The following KCNB2 variants were observed in gnomAD, a reference collection of about 807,000 sequenced individuals.
KCNB2 encodes delayed rectifier potassium channel protein.
A neutral mutation model predicts 61.5 loss-of-function variants in KCNB2; 15 were observed. The observed-to-expected ratio is 0.24, with a 90% CI of 0.16 to 0.38. KCNB2 has a LOEUF of 0.38. KCNB2 is among the 10% of genes least tolerant of loss of function. KCNB2 has a pLI of 1.00. For missense variants in KCNB2, 828 were observed against 1,125.2 expected (o/e 0.74, Z 3.78); for synonymous variants, 457 against 446.0 (o/e 1.02, Z -0.31).
chr8:72,561,124 A>C (rs957532299), intron 1 of KCNB2, among the ~76,000 whole-genome samples: 2 of 152,044 alleles, frequency 1.3e-5, no homozygotes, highest in Non-Finnish European at 2.9e-5. Flanking sequence ...AGTGTATCTA[A>C]AAAAAGCATC....
chr8:72,649,814 A>G (rs571111591), intron 2 of KCNB2, among the ~76,000 whole-genome samples: 13 of 152,302 alleles, frequency 8.5e-5, no homozygotes, highest in African/African-American at 2.9e-4. Context: ...TAAACATGAC[A>G]TGATCAAGTG....
intron 2 of KCNB2, among the ~76,000 whole-genome samples, chr8:72,844,260 T>C (rs1809946129): frequency 6.6e-6 from 1 of 152,214 alleles, no homozygotes; most frequent in African/African-American, 2.4e-5. Context: ...ATGTTGAATA[T>C]TGGCCCCCAC....
At chr8:72,699,810 C>G (rs980492528) in intron 2 of KCNB2, among the ~76,000 whole-genome samples, 1 of 151,880 alleles carries the variant, frequency 6.6e-6, no homozygotes, top group Non-Finnish European at 1.5e-5. Context: ...ACCTAGAACC[C>G]GAAATACCAT....
intron 2 of KCNB2, among the ~76,000 whole-genome samples, chr8:72,663,016 A>T (rs1806405600): frequency 6.6e-6 from 1 of 152,152 alleles, no homozygotes. Flanking sequence ...GCTCCTCCCT[A>T]CCATGGAGGC....
At chr8:72,595,384 G>GGCGT (rs2128981839) in intron 2 of KCNB2, among the ~76,000 whole-genome samples, 1 of 149,086 alleles carries the variant, frequency 6.7e-6, no homozygotes, top group South Asian at 2.1e-4. Context: ...GAAGTGCAGT[G>GGCGT]GCGTGATCTT....
chr8:72,687,019 C>A (rs1806864415), intron 2 of KCNB2, among the ~76,000 whole-genome samples: 1 of 152,098 alleles, frequency 6.6e-6, no homozygotes, highest in Non-Finnish European at 1.5e-5. Flanking sequence ...GCATCAGTTA[C>A]CTAGGGAGCT....
intron 2 of KCNB2, among the ~76,000 whole-genome samples, chr8:72,796,095 C>T (rs182058504): frequency 1.6e-3 from 248 of 152,308 alleles, no homozygotes; most frequent in African/African-American, 5.8e-3. Flanking sequence ...CCTTTTAAGG[C>T]TCCATCTGGC....
intron 2 of KCNB2, among the ~76,000 whole-genome samples, chr8:72,585,066 G>A (rs950986956): frequency 6.6e-6 from 1 of 152,180 alleles, no homozygotes; most frequent in Admixed American, 6.5e-5. Flanking sequence ...GGGTGGTCAT[G>A]ATTTCTGTCC....
At chr8:72,612,664 A>G (rs920037322) in intron 2 of KCNB2, among the ~76,000 whole-genome samples, 1 of 152,198 alleles carries the variant, frequency 6.6e-6, no homozygotes, top group African/African-American at 2.4e-5. Context: ...GTCAAAGTCT[A>G]GAACAAGATG....
intron 2 of KCNB2, among the ~76,000 whole-genome samples, chr8:72,708,183 A>G (rs557693691): frequency 1.3e-5 from 2 of 152,336 alleles, no homozygotes; most frequent in East Asian, 3.9e-4. Context: ...GTAGCCTTCC[A>G]GGGCCAGAGC....
At chr8:72,628,383 G>T (rs1805824964) in intron 2 of KCNB2, among the ~76,000 whole-genome samples, 1 of 148,322 alleles carries the variant, frequency 6.7e-6, no homozygotes. Flanking sequence ...TTATTATGCA[G>T]ATTTCTCCTG....
intron 2 of KCNB2, chr8:72,750,339 A>G (rs1808167640): frequency 6.6e-6 from 1 of 152,138 alleles, no homozygotes; most frequent in Non-Finnish European, 1.5e-5. Context: ...CAGTGCTTAT[A>G]AATGATTGTT....
intron 2 of KCNB2, among the ~76,000 whole-genome samples, chr8:72,896,395 G>A (rs939997466): frequency 2.0e-5 from 3 of 152,058 alleles, no homozygotes. Context: ...TATGAGCACA[G>A]TATCTTTCAT....
At chr8:72,575,952 C>G (rs1806787854) in intron 2 of KCNB2, among the ~76,000 whole-genome samples, 1 of 152,120 alleles carries the variant, frequency 6.6e-6, no homozygotes, top group Non-Finnish European at 1.5e-5. Context: ...CCTGACATTG[C>G]TAACTGATCC....
At chr8:72,716,230 G>T (rs1388192830) in intron 2 of KCNB2, among the ~76,000 whole-genome samples, 2 of 152,126 alleles carry the variant, frequency 1.3e-5, no homozygotes, top group Non-Finnish European at 2.9e-5. Flanking sequence ...TTCTACCAGA[G>T]GTACAAGGAG....
At chr8:72,628,605 A>G (rs1805831368) in intron 2 of KCNB2, among the ~76,000 whole-genome samples, 1 of 152,198 alleles carries the variant, frequency 6.6e-6, no homozygotes, top group East Asian at 1.9e-4. Flanking sequence ...AATGATGCCC[A>G]CTTCATCCTT....
chr8:72,871,212 A>G (rs1194577326), intron 2 of KCNB2, among the ~76,000 whole-genome samples: 3 of 152,244 alleles, frequency 2.0e-5, no homozygotes, highest in Admixed American at 6.5e-5. Flanking sequence ...AACTGAAAGT[A>G]TCATACAACA....
chr8:72,738,106 G>T (rs892393495), intron 2 of KCNB2, among the ~76,000 whole-genome samples: 4 of 152,072 alleles, frequency 2.6e-5, no homozygotes, highest in African/African-American at 9.7e-5. Flanking sequence ...CAACTTGAGG[G>T]CCTCTCTGAG....
At chr8:72,900,013 C>G (rs1322733061) in intron 2 of KCNB2, among the ~76,000 whole-genome samples, 1 of 151,834 alleles carries the variant, frequency 6.6e-6, no homozygotes, top group Non-Finnish European at 1.5e-5. Context: ...CAAAACAAAA[C>G]AAAACAAAAA....
Sources: gnomAD v4.1 joint callset for allele counts (sites outside exome capture counted in the v4.1 genomes callset) on GRCh38, gnomAD v4.1.1 for gene constraint, MANE v1.5 for transcripts, NCBI Gene and HGNC (gene_info 2026-07-23, HGNC 2026-07-21) for gene names.